Variants in CSMD1 observed in about 807,000 individuals in gnomAD.
CSMD1 encodes CUB and Sushi multiple domains 1, also known as CUB and sushi domain-containing protein 1.
In CSMD1, 213 loss-of-function variants were observed where a neutral mutation model predicts 417.5. The ratio of observed to expected loss-of-function variants is 0.51; its 90% CI spans 0.46 to 0.57. The LOEUF (loss-of-function observed/expected upper bound fraction) is 0.57, where lower values mean the gene tolerates loss of function less well. CSMD1 is among the 20% of genes least tolerant of loss of function. CSMD1 has a pLI of 0.00. For synonymous variants in CSMD1, 2,862 were observed against 1,736.8 expected, an observed-to-expected ratio of 1.65 and a Z score of -16.11; for missense variants, 6,923 against 4,529.7, an observed-to-expected ratio of 1.53 and a Z score of -15.17.
intron 49 of CSMD1, among the ~76,000 whole-genome samples, chr8:3,070,737 T>A (rs555455863): frequency 6.6e-6 from 1 of 152,354 alleles, no homozygotes; most frequent in East Asian, 1.9e-4. Context: ...CCTTTCTTAT[T>A]CTGAGGTTTC....
intron 7 of CSMD1, chr8:3,702,184 GT>G (rs1170236550): frequency 6.6e-6 from 1 of 152,054 alleles, no homozygotes; most frequent in African/African-American, 2.4e-5. Flanking sequence ...TTAAATAATG[GT>G]TCTGGATTAA....
chr8:4,750,825 A>T (rs1299004414), intron 1 of CSMD1, among the ~76,000 whole-genome samples: 1 of 152,128 alleles, frequency 6.6e-6, no homozygotes, highest in Non-Finnish European at 1.5e-5. Flanking sequence ...TTCAGTATCA[A>T]GGGTCTACTG....
At chr8:3,525,234 T>C (rs992332077) in intron 10 of CSMD1, among the ~76,000 whole-genome samples, 2 of 152,106 alleles carry the variant, frequency 1.3e-5, no homozygotes, top group African/African-American at 4.8e-5. Context: ...TTAGGGGAGA[T>C]AGCATCCCTG....
At chr8:4,233,235 C>T (rs936488682) in intron 3 of CSMD1, among the ~76,000 whole-genome samples, 2 of 152,264 alleles carry the variant, frequency 1.3e-5, no homozygotes, top group Non-Finnish European at 2.9e-5. Context: ...TTGAAGTTAA[C>T]ACTGTTGTGA....
chr8:3,189,954 TG>T lies in CSMD1; in HGVS notation c.5355del (p.Asn1786ThrfsTer41). 6.3e-7 allele frequency: 1 copy of T among 1,597,552 alleles called. No homozygotes were observed. Among genetic ancestry groups the T allele is most frequent in the Non-Finnish European group, 8.5e-7 (1 of 1,172,458 alleles). ...GSTALHCQSV[P>X]NALAQWNDTI... ...GTGTCGTTCCACTGTGCCAAGGCGTTGGGCACGGACTGGCAGTGGAGCGCCG... is the reference window on the plus strand; with the variant it reads ...GTGTCGTTCCACTGTGCCAAGGCGTTGGCACGGACTGGCAGTGGAGCGCCG... On this transcript the variant is annotated frameshift_variant, in exon 34 of 70. Transcript: ENST00000635120. LOFTEE classifies it high-confidence loss of function.
chr8:4,295,859 T>A (rs891243221), intron 3 of CSMD1, among the ~76,000 whole-genome samples: 54 of 149,258 alleles, frequency 3.6e-4, no homozygotes, highest in African/African-American at 1.3e-3. Context: ...CTTCAACCAT[T>A]ATCCCAAACA....
At chr8:4,838,558 G>C (rs750091019) in intron 1 of CSMD1, among the ~76,000 whole-genome samples, 2 of 152,194 alleles carry the variant, frequency 1.3e-5, no homozygotes, top group Non-Finnish European at 2.9e-5. Context: ...CTTACACCTG[G>C]GTGGGGGTGC....
intron 1 of CSMD1, among the ~76,000 whole-genome samples, chr8:4,936,919 T>A (rs10109709): frequency 0.24 from 37,030 of 152,204 alleles, 4,621 homozygotes; most frequent in East Asian, 0.38. Context: ...TCTTTAAATG[T>A]TATTTTTGTT....
intron 1 of CSMD1, among the ~76,000 whole-genome samples, chr8:4,863,765 T>A (rs1312224957): frequency 6.6e-6 from 1 of 152,094 alleles, no homozygotes; most frequent in African/African-American, 2.4e-5. Context: ...GATAAATGTG[T>A]TGATTTGTAT....
intron 10 of CSMD1, among the ~76,000 whole-genome samples, chr8:3,495,160 T>C (rs1796313281): frequency 6.6e-6 from 1 of 152,256 alleles, no homozygotes; most frequent in Admixed American, 6.5e-5. Context: ...TGCAAACCAG[T>C]ATAAATACTG....
In CSMD1 at chr8:4,979,340, A is replaced by G. The variant is rs80032782; in HGVS notation, c.85+14992T>C. On this transcript the variant is annotated intron_variant, in intron 1 of 69. Transcript: ENST00000635120. The stretch of plus-strand genomic sequence containing the variant: ...ATCCTTATGATATTGAGCACAGTTG[A>G]CATTCCCTTTGTAAAGACAAAGAAA... Among the ~76,000 whole-genome samples the G allele has an allele frequency of 7.7e-3, 1,179 of 152,282 alleles. 39 individuals are homozygous for G. Among genetic ancestry groups the G allele is most frequent in the East Asian group, 0.066 (340 of 5,174 alleles).
chr8:3,037,207 C>CTTT (rs34495486), intron 50 of CSMD1, among the ~76,000 whole-genome samples: 16 of 150,198 alleles, frequency 1.1e-4, no homozygotes, highest in Admixed American at 1.3e-4. Flanking sequence ...ACCACACTTT[C>CTTT]TTTTTTTTGT....
intron 9 of CSMD1, among the ~76,000 whole-genome samples, chr8:3,579,653 G>A (rs924475639): frequency 2.6e-5 from 4 of 152,196 alleles, no homozygotes; most frequent in South Asian, 4.2e-4. Context: ...ACCACACCTG[G>A]TTCCAGGCCT....
intron 2 of CSMD1, among the ~76,000 whole-genome samples, chr8:4,426,323 T>A (rs1263691324): frequency 6.6e-6 from 1 of 151,112 alleles, no homozygotes; most frequent in Non-Finnish European, 1.5e-5. Context: ...AAAGTTTTTT[T>A]AATTATGTAG....
chr8:4,221,857 A>C (rs1026779958), intron 3 of CSMD1, among the ~76,000 whole-genome samples: 8 of 152,178 alleles, frequency 5.3e-5, no homozygotes, highest in African/African-American at 1.4e-4. Context: ...TATTACACTC[A>C]GGAAGGATAT....
intron 3 of CSMD1, among the ~76,000 whole-genome samples, chr8:4,192,238 T>C (rs770668551): frequency 2.0e-5 from 3 of 152,142 alleles, no homozygotes; most frequent in East Asian, 1.9e-4. Context: ...TAACAAAATA[T>C]AGTTCGTTAG....
At chr8:4,314,422 T>A (rs1045429066) in intron 3 of CSMD1, among the ~76,000 whole-genome samples, 1 of 152,214 alleles carries the variant, frequency 6.6e-6, no homozygotes, top group Non-Finnish European at 1.5e-5. Flanking sequence ...GTGTTCTATT[T>A]CAGGAAGCAG....
intron 54 of CSMD1, among the ~76,000 whole-genome samples, chr8:2,994,382 C>T (rs1001105798): frequency 6.6e-6 from 1 of 152,064 alleles, no homozygotes; most frequent in Non-Finnish European, 1.5e-5. Flanking sequence ...TTTCCCCACA[C>T]ACAGAAGTGT....
intron 10 of CSMD1, among the ~76,000 whole-genome samples, chr8:3,565,258 C>G (rs1402598900): frequency 2.0e-5 from 3 of 146,648 alleles, no homozygotes; most frequent in Non-Finnish European, 4.5e-5. Context: ...CCAAGATGAA[C>G]TAAGGGATCT....
Sources: gnomAD v4.1 joint callset for allele counts (sites outside exome capture counted in the v4.1 genomes callset) on GRCh38, gnomAD v4.1.1 for gene constraint, MANE v1.5 for transcripts, NCBI Gene and HGNC (gene_info 2026-07-23, HGNC 2026-07-21) for gene names.